MEGF6: variants seen among roughly 807,000 people sequenced by gnomAD.
The protein encoded by MEGF6 is multiple EGF like domains 6.
A neutral mutation model predicts 207.1 loss-of-function variants in MEGF6; 184 were observed. The ratio of observed to expected loss-of-function variants is 0.89; its 90% confidence interval spans 0.79 to 1.00. MEGF6 has a LOEUF of 1.00. MEGF6 is among the 50% of genes least tolerant of loss of function. The pLI is 0.00. For missense variants in MEGF6, 2,282 were observed against 2,202.9 expected, an observed-to-expected ratio of 1.04 and a Z score of -0.72; for synonymous variants, 1,038 against 910.0, an observed-to-expected ratio of 1.14 and a Z score of -2.53.
chr1:3,504,251 C>T (rs988102394), intron 17 of MEGF6, among the ~76,000 whole-genome samples: 8 of 152,286 alleles, frequency 5.3e-5, no homozygotes, highest in South Asian at 2.1e-4. Flanking sequence ...GGCCAATGGG[C>T]GTGGACAGCG....
At chr1:3,557,711 CGGGGG>C (rs1643076900) in intron 4 of MEGF6, among the ~76,000 whole-genome samples, 2 of 152,230 alleles carry the variant, frequency 1.3e-5, no homozygotes, top group Admixed American at 1.3e-4. Context: ...CAAGGAGAGA[CGGGGG>C]GCCCAGGAAG....
Position 3,495,939 on chromosome 1 carries a change from G to C in MEGF6, c.3822C>G (p.Thr1274=). The change falls in exon 30 of 37, where the codon ACC becomes ACG. Residue 1274 remains threonine (T), a synonymous_variant. Transcript: ENST00000356575. ...CGQGAACDPV[T]GTCLCPPGRA... ...TCCCCGGGGGGCAGAGGCAGGTGCC[G>C]GTCACAGGGTCGCAGGCCGCCCCCT... The C allele has an allele frequency of 6.3e-7, 1 of 1,593,014 alleles. No individual in the cohort carries two copies. The highest frequency in any genetic ancestry group is 8.5e-7 in the Non-Finnish European group (1 of 1,176,982).
intron 4 of MEGF6, among the ~76,000 whole-genome samples, chr1:3,568,581 C>A (rs1206484537): frequency 6.6e-6 from 1 of 152,134 alleles, no homozygotes; most frequent in Non-Finnish European, 1.5e-5. Flanking sequence ...TAAGAGCCCC[C>A]CAAATGCAAG....
chr1:3,573,432 G>A lies in MEGF6; in HGVS notation c.481+6393C>T, dbSNP rs371507853. ...CAAAGGTAAGCACGGGAAACAGTGC[G>A]GGGAGCCTGGAACTACAGCCCAGGA... On this transcript the variant is annotated intron_variant, in intron 4 of 36. Coordinates refer to ENST00000356575, the MANE Select transcript of MEGF6 (RefSeq NM_001409.4). This position sits in a 1 kb window ranked among gnomAD's most constrained non-coding sequence, Gnocchi z 5.1. Among the ~76,000 whole-genome samples the A allele has an allele frequency of 2.0e-5, 3 of 152,316 alleles. No individual in the cohort carries two copies. Among genetic ancestry groups the A allele is most frequent in the Non-Finnish European group, 2.9e-5 (2 of 68,014 alleles).
chr1:3,522,949 C>T (rs2101183485), intron 5 of MEGF6, among the ~76,000 whole-genome samples: 1 of 152,326 alleles, frequency 6.6e-6, no homozygotes, highest in South Asian at 2.1e-4. Flanking sequence ...GGGGCCGCAC[C>T]CCCGTCTCCG....
At chr1:3,540,155 G>A (rs1162116189) in intron 4 of MEGF6, among the ~76,000 whole-genome samples, 1 of 152,246 alleles carries the variant, frequency 6.6e-6, no homozygotes, top group East Asian at 1.9e-4. Context: ...TGCTGGGCTG[G>A]CTCTCACCGC....
intron 4 of MEGF6, among the ~76,000 whole-genome samples, chr1:3,529,641 C>G (rs34915232): frequency 0.16 from 24,942 of 152,246 alleles, 2,560 homozygotes; most frequent in Non-Finnish European, 0.23. Flanking sequence ...GGCTGGTTCA[C>G]CAGGAGCCTG....
chr1:3,619,572 T>C, the MEGF6 span, among the ~76,000 whole-genome samples: 3,148 of 152,298 alleles, frequency 0.021, 108 homozygotes, highest in African/African-American at 0.069. Context: ...TAGTCAGTTC[T>C]CAGGAGATCT....
At chr1:3,606,871 C>T (rs1336703190) in intron 1 of MEGF6, among the ~76,000 whole-genome samples, 3 of 152,156 alleles carry the variant, frequency 2.0e-5, no homozygotes, top group Non-Finnish European at 2.9e-5. Flanking sequence ...GTGCTGAGGG[C>T]AGCCACTGTG....
chr1:3,620,933 T>G, the MEGF6 span, among the ~76,000 whole-genome samples: 3 of 152,240 alleles, frequency 2.0e-5, no homozygotes, highest in Admixed American at 2.0e-4. Flanking sequence ...CTTCCCCGTT[T>G]GGCAGCTGAG....
rs757164057 is a variant in MEGF6, at chr1:3,501,788, ACACT to A, written c.2314+4_2314+7del. ...GGAGGCGGAACTGGGGCTGCGGCTG[ACACT>A]CACCTGCCTCACAGTCTTCCCCAGT... is the stretch of plus-strand genomic sequence containing the variant. On this transcript the variant is annotated splice_donor_5th_base_variant and intron_variant, in intron 18 of 36. Coordinates refer to ENST00000356575, the MANE Select transcript of MEGF6 (RefSeq NM_001409.4). 2.5e-6 allele frequency: 4 copies of A among 1,610,090 alleles called. No homozygotes were observed. Among genetic ancestry groups the A allele is most frequent in the South Asian group, 1.1e-5 (1 of 90,852 alleles).
intron 4 of MEGF6, among the ~76,000 whole-genome samples, chr1:3,557,742 G>T (rs1236618830): frequency 6.6e-6 from 1 of 152,252 alleles, no homozygotes; most frequent in Non-Finnish European, 1.5e-5. Context: ...GCAGCAGGGG[G>T]AGTTCAGGGG....
intron 21 of MEGF6, among the ~76,000 whole-genome samples, chr1:3,500,294 G>A (rs918479220): frequency 1.1e-4 from 17 of 152,232 alleles, no homozygotes; most frequent in Non-Finnish European, 4.4e-5. Context: ...TCCCACAGTG[G>A]GGGACAGACC....
intron 4 of MEGF6, among the ~76,000 whole-genome samples, chr1:3,575,223 G>A (rs372226858): frequency 1.4e-4 from 22 of 152,236 alleles, no homozygotes; most frequent in Non-Finnish European, 2.2e-4. Flanking sequence ...CCAGAGCAGC[G>A]CACACAGGTG....
rs1427083487 is a variant in MEGF6, at chr1:3,490,306, G to A, written c.*222C>T. ...CCTGGGTTCTGCAGAGCCAGGCCAG[G>A]AGGCGCCTCTCTTCCAGCGGCCATG... On this transcript the variant is annotated 3_prime_UTR_variant, in exon 37 of 37. Transcript: ENST00000356575. 2 of 574,932 alleles carry A rather than the reference G, an allele frequency of 3.5e-6. No individual in the cohort carries two copies. Among genetic ancestry groups the A allele is most frequent in the Non-Finnish European group, 6.1e-6 (2 of 329,872 alleles). The allele number at this position is 574,932 out of a possible 1,614,324, so 35.6% of individuals were successfully genotyped here.
chr1:3,511,637 A>C lies in MEGF6; in HGVS notation c.1027T>G (p.Ser343Ala). ...GCACTGGTGTGGCTGCAGCCATGGG[A>C]GCAGCCGCCGTTGTTGGCCTCACAG... Reference protein sequence around the residue: ...NSCEANNGGCSHGCSHTSAGP... With the variant: ...NSCEANNGGCAHGCSHTSAGP... Residue 343 changes from serine (S) to alanine (A), a missense_variant, in exon 9 of 37, where the codon TCC becomes GCC. By Grantham distance (99) the Ser-to-Ala change is moderately conservative. Coordinates refer to ENST00000356575, the MANE Select transcript of MEGF6 (RefSeq NM_001409.4). 1 of 1,611,210 alleles carries C rather than the reference A, an allele frequency of 6.2e-7. No individual in the cohort carries two copies. Among genetic ancestry groups the C allele is most frequent in the Non-Finnish European group, 8.5e-7 (1 of 1,179,144 alleles).
chr1:3,531,067 G>GC, intron 4 of MEGF6: 1 of 1,513,206 alleles, frequency 6.6e-7, no homozygotes, highest in East Asian at 2.7e-5. Context: ...GCCCAGGCTC[G>GC]CCCGGCGCCC....
At chr1:3,552,468 C>T (rs1241573928) in intron 4 of MEGF6, among the ~76,000 whole-genome samples, 1 of 152,198 alleles carries the variant, frequency 6.6e-6, no homozygotes, top group African/African-American at 2.4e-5. Context: ...AGGCCCAGGC[C>T]GGAGGATCTA....
At chr1:3,552,132 T>C (rs910828351) in intron 4 of MEGF6, among the ~76,000 whole-genome samples, 9 of 152,098 alleles carry the variant, frequency 5.9e-5, no homozygotes, top group Non-Finnish European at 1.3e-4. Context: ...GTGGCTCCCC[T>C]CAGGATTGCC....
Sources: gnomAD v4.1 joint callset for allele counts (sites outside exome capture counted in the v4.1 genomes callset) on GRCh38, gnomAD v4.1.1 for gene constraint, Gnocchi (gnomAD v3.1) non-coding constraint, MANE v1.5 for transcripts, NCBI Gene and HGNC (gene_info 2026-07-23, HGNC 2026-07-21) for gene names.